The following SYNCRIP variants were observed in gnomAD, a reference collection of about 807,000 sequenced individuals.
SYNCRIP encodes synaptotagmin binding cytoplasmic RNA interacting protein, also known as heterogeneous nuclear ribonucleoprotein Q.
Under a neutral mutation model 68.9 loss-of-function variants are expected in SYNCRIP, and 9 were observed. That is an observed-to-expected ratio of 0.13 (90% CI 0.08 to 0.23). The LOEUF (loss-of-function observed/expected upper bound fraction) is 0.23, where lower values mean the gene tolerates loss of function less well. Ranked by LOEUF, SYNCRIP falls within the 10% of genes least tolerant of loss-of-function variation. SYNCRIP has a pLI of 1.00. For missense variants in SYNCRIP, 414 were observed against 770.6 expected (o/e 0.54, Z 5.48); for synonymous variants, 258 against 254.0 (o/e 1.02, Z -0.15).
chr6:85,641,188 G>A, intron 2 of SYNCRIP, 104 bp downstream of exon 2: 1 of 870,170 alleles, frequency 1.1e-6, no homozygotes. Flanking sequence ...CAAAACTCCA[G>A]TACCCACACT....
chr6:85,640,187 A>T (rs1240308980), intron 4 of SYNCRIP, 34 bp downstream of exon 4: 1 of 1,443,930 alleles, frequency 6.9e-7, no homozygotes, highest in Non-Finnish European at 9.7e-7. Context: ...AGTTAAAATG[A>T]CTTTAAAACT....
At position 85,634,542 on chromosome 6, in the gene SYNCRIP, C is replaced by T. The variant is rs1471367968; in HGVS notation, c.666+2425G>A. 3.9e-5 allele frequency among the ~76,000 whole-genome samples: 6 copies of T among 151,900 alleles called. No individual in the cohort carries two copies. The East Asian group carries it at 1.2e-3, about 29-fold the overall frequency. On this transcript the variant is annotated intron_variant, in intron 6 of 10. Transcript: ENST00000369622. ...ACTCTCTTAAATAGCATAGTGTTTGCACATAACCTACGAACATTCTCTCAT... is the reference window on the plus strand; with the variant it reads ...ACTCTCTTAAATAGCATAGTGTTTGTACATAACCTACGAACATTCTCTCAT...
chr6:85,619,421 G>C lies in SYNCRIP; in HGVS notation c.1009-4C>G, dbSNP rs149049677. ...TGCGTACAAACAGCACTTTTACCTA[G>C]GGGGAAGAAAATACCCCCCTGTATT... is the stretch of plus-strand genomic sequence containing the variant. On this transcript the variant is annotated splice_region_variant and splice_polypyrimidine_tract_variant and intron_variant, in intron 8 of 10. Coordinates refer to ENST00000369622, the MANE Select transcript of SYNCRIP (RefSeq NM_006372.5). The C allele has an allele frequency of 2.5e-6, 4 of 1,609,158 alleles. No homozygotes were observed. The East Asian group carries it at 9.0e-5, about 36-fold the overall frequency.
intron 7 of SYNCRIP, among the ~76,000 whole-genome samples, chr6:85,623,572 A>AAAAAAAAAAC (rs1806682881): frequency 3.3e-5 from 5 of 149,944 alleles, no homozygotes; most frequent in Admixed American, 1.3e-4. Flanking sequence ...CAAAAAAAAA[A>AAAAAAAAAAC]AAAAAAAAAA....
intron 6 of SYNCRIP, among the ~76,000 whole-genome samples, chr6:85,625,652 C>T (rs371088660): frequency 3.3e-5 from 5 of 152,274 alleles, no homozygotes; most frequent in Admixed American, 6.5e-5. Flanking sequence ...TCCCAAAGTG[C>T]TGGGATTACA....
At chr6:85,622,066 T>C (rs541967461) in intron 8 of SYNCRIP, among the ~76,000 whole-genome samples, 1 of 151,016 alleles carries the variant, frequency 6.6e-6, no homozygotes, top group African/African-American at 2.5e-5. Flanking sequence ...TCTAAAAATA[T>C]GGTTTAAAAA....
At chr6:85,608,215 TAATC>T (rs1804980975), downstream of SYNCRIP, 1 of 152,112 alleles carries the variant, frequency 6.6e-6, no homozygotes, top group Non-Finnish European at 1.5e-5. Context: ...AATGTATGGA[TAATC>T]AAAGGGCGAC....
intron 6 of SYNCRIP, among the ~76,000 whole-genome samples, chr6:85,629,877 G>C (rs544300713): frequency 6.6e-6 from 1 of 151,834 alleles, no homozygotes; most frequent in Non-Finnish European, 1.5e-5. Flanking sequence ...CCAGCTACTC[G>C]GGAGGCCGAG....
At chr6:85,619,207 G>T in intron 9 of SYNCRIP, 61 bp downstream of exon 9, 1 of 1,582,796 alleles carries the variant, frequency 6.3e-7, no homozygotes, top group South Asian at 1.2e-5. Context: ...ACTATTTTGA[G>T]ATTCTAAAAT....
chr6:85,628,816 C>T (rs1807367622), intron 6 of SYNCRIP, among the ~76,000 whole-genome samples: 1 of 152,178 alleles, frequency 6.6e-6, no homozygotes, highest in African/African-American at 2.4e-5. Flanking sequence ...TTTTTCAGAT[C>T]CTGACGGTCA....
intron 6 of SYNCRIP, among the ~76,000 whole-genome samples, chr6:85,636,108 A>C (rs1808415812): frequency 6.6e-6 from 1 of 152,170 alleles, no homozygotes; most frequent in Non-Finnish European, 1.5e-5. Flanking sequence ...AACTTAATAA[A>C]ACTAGTTTAA....
intron 6 of SYNCRIP, among the ~76,000 whole-genome samples, chr6:85,631,071 G>C (rs1246265612): frequency 6.6e-6 from 1 of 152,040 alleles, no homozygotes; most frequent in Non-Finnish European, 1.5e-5. Flanking sequence ...GGCTGGGCAC[G>C]GTGGCTCACG....
intron 5 of SYNCRIP, 29 bp from the exon 6 acceptor site, chr6:85,637,172 T>C (rs200168134): frequency 2.6e-5 from 41 of 1,607,004 alleles, no homozygotes; most frequent in East Asian, 1.1e-4. Context: ...GTAAAAACCA[T>C]GGAGAATTGC....
chr6:85,638,987 G>A (rs991820740), intron 4 of SYNCRIP, among the ~76,000 whole-genome samples: 1 of 152,102 alleles, frequency 6.6e-6, no homozygotes, highest in Non-Finnish European at 1.5e-5. Flanking sequence ...AGGTGGGTGG[G>A]TCACGAGGTC....
chr6:85,614,382 C>T lies in SYNCRIP; in HGVS notation c.*374G>A, dbSNP rs921588889. On this transcript the variant is annotated 3_prime_UTR_variant, in exon 11 of 11. Transcript: ENST00000369622. ...TAAGTTGGTAACATACAAAGTTATT[C>T]TGATACAAGATATTAAAGACACACT... The T allele has an allele frequency of 1.0e-6, 1 of 996,014 alleles. No individual in the cohort carries two copies. Among genetic ancestry groups the T allele is most frequent in the African/African-American group, 1.7e-5 (1 of 57,696 alleles). The allele number at this position is 996,014 out of a possible 1,614,324, so 61.7% of individuals were successfully genotyped here. A position where few individuals can be genotyped will look rare whatever the true frequency, so the allele number is the denominator to read the frequency against.
rs1234250903 is a variant in SYNCRIP at position 85,615,326 on chromosome 6, A to G, written c.1302T>C (p.Tyr434=). The change falls in exon 11 of 11, where the codon TAT becomes TAC. Residue 434 remains tyrosine (Y), a synonymous_variant. Coordinates refer to ENST00000369622, the MANE Select transcript of SYNCRIP (RefSeq NM_006372.5). The part of the protein sequence containing the change: ...KNQMYDDYYY[Y]GPPHMPPPTR... ...TTGGAGGGGGCATATGAGGTGGACC[A>G]TAATAGTAGTAATCGTCATACCTAT... 4 of 1,528,808 alleles carry G rather than the reference A, an allele frequency of 2.6e-6. No homozygotes were observed. The South Asian group carries it at 3.8e-5, about 15-fold the overall frequency. The allele number at this position is 1,528,808 out of a possible 1,614,324, so 94.7% of individuals were successfully genotyped here.
intron 6 of SYNCRIP, 89 bp downstream of exon 6, chr6:85,636,878 G>A: frequency 7.7e-7 from 1 of 1,301,552 alleles, no homozygotes; most frequent in Non-Finnish European, 1.0e-6. Flanking sequence ...TTCAAAAAAT[G>A]TTTGGTAAAC....
downstream of SYNCRIP, chr6:85,610,449 C>G (rs953990856): frequency 6.6e-6 from 1 of 151,876 alleles, no homozygotes; most frequent in African/African-American, 2.4e-5. Flanking sequence ...ATCAGTTTCC[C>G]TCCCAAGTCC....
intron 2 of SYNCRIP, 40 bp from the exon 3 acceptor site, chr6:85,640,604 A>G (rs1354386176): frequency 1.5e-6 from 2 of 1,351,114 alleles, no homozygotes; most frequent in African/African-American, 1.5e-5. Flanking sequence ...ATATTTTTAG[A>G]AAAGATTTTT....
Sources: allele counts gnomAD v4.1 joint callset (sites outside exome capture counted in the v4.1 genomes callset), GRCh38; gene constraint gnomAD v4.1.1; transcripts MANE v1.5; gene names NCBI Gene and HGNC (gene_info 2026-07-23, HGNC 2026-07-21).